SH3PXD2A: variants seen among roughly 807,000 people sequenced by gnomAD.
SH3PXD2A encodes SH3 and PX domain-containing protein 2A.
In SH3PXD2A, 32 loss-of-function variants were observed where a neutral mutation model predicts 115.2. The observed-to-expected ratio is 0.28, with a 90% confidence interval of 0.21 to 0.37. The LOEUF is 0.37. Ranked by LOEUF, SH3PXD2A falls within the 10% of genes least tolerant of loss-of-function variation. SH3PXD2A has a pLI of 1.00. For missense variants in SH3PXD2A, 1,328 were observed against 1,498.7 expected (o/e 0.89, Z 1.88); for synonymous variants, 610 against 629.1 (o/e 0.97, Z 0.45).
chr10:103,787,650 C>T (rs1174184216), intron 2 of SH3PXD2A, among the ~76,000 whole-genome samples: 3 of 152,208 alleles, frequency 2.0e-5, no homozygotes, highest in Non-Finnish European at 4.4e-5. Flanking sequence ...CAGGGCTGCC[C>T]TCGGGAGGTG....
intron 5 of SH3PXD2A, among the ~76,000 whole-genome samples, chr10:103,705,134 A>C (rs1159385916): frequency 6.6e-6 from 1 of 152,162 alleles, no homozygotes; most frequent in Non-Finnish European, 1.5e-5. Flanking sequence ...CCTGCTCACC[A>C]GCCTGTCCAC....
chr10:103,855,140 G>C (rs1055550868), intron 1 of SH3PXD2A, 55 bp downstream of exon 1: 1 of 1,351,522 alleles, frequency 7.4e-7, no homozygotes, highest in African/African-American at 1.5e-5. Context: ...GGCCATCCGG[G>C]GCCCTCCCGG....
Position 103,618,607 on chromosome 10 carries a change from T to C in SH3PXD2A, c.803-1293A>G, listed in dbSNP as rs367731512. On this transcript the variant is annotated intron_variant, in intron 10 of 14. Coordinates refer to ENST00000369774, the MANE Select transcript of SH3PXD2A (RefSeq NM_001394015.1). ...TCTGGCGTGGGTGCTCCCCAGGGGC[T>C]GAGACAGTGCCTGGCAGACAGCGAG... Among the ~76,000 whole-genome samples the C allele has an allele frequency of 8.5e-5, 13 of 152,322 alleles. No homozygotes were observed. The East Asian group carries it at 2.5e-3, about 29-fold the overall frequency.
At chr10:103,682,776 C>T (rs2037627881) in intron 6 of SH3PXD2A, among the ~76,000 whole-genome samples, 2 of 149,152 alleles carry the variant, frequency 1.3e-5, no homozygotes, top group Admixed American at 1.3e-4. Context: ...AAAAACAAAA[C>T]AAACCACGAG....
intron 1 of SH3PXD2A, among the ~76,000 whole-genome samples, chr10:103,821,127 G>A (rs556977220): frequency 2.0e-5 from 3 of 148,352 alleles, no homozygotes; most frequent in African/African-American, 7.4e-5. Flanking sequence ...AACATTTAAT[G>A]TATGGTCGTT....
intron 5 of SH3PXD2A, among the ~76,000 whole-genome samples, chr10:103,718,866 C>T (rs1403161591): frequency 6.6e-6 from 1 of 151,450 alleles, no homozygotes; most frequent in East Asian, 1.9e-4. Context: ...TGTTTGTGTC[C>T]CACCTAAATT....
At chr10:103,768,203 G>C (rs1219721282) in intron 2 of SH3PXD2A, among the ~76,000 whole-genome samples, 1 of 152,234 alleles carries the variant, frequency 6.6e-6, no homozygotes, top group Non-Finnish European at 1.5e-5. Context: ...GAGACAAACA[G>C]CAAACAAGTA....
At chr10:103,743,532 C>T (rs1422673825) in intron 3 of SH3PXD2A, among the ~76,000 whole-genome samples, 1 of 150,512 alleles carries the variant, frequency 6.6e-6, no homozygotes, top group Admixed American at 6.6e-5. Context: ...CAGGTGCACA[C>T]AACACCCGAC....
chr10:103,790,045 G>C (rs1408705183), intron 2 of SH3PXD2A, among the ~76,000 whole-genome samples: 3 of 152,116 alleles, frequency 2.0e-5, no homozygotes, highest in East Asian at 3.9e-4. Flanking sequence ...TCTTTGCAAC[G>C]GCAGCTTCTC....
chr10:103,749,138 G>A (rs529299827), intron 3 of SH3PXD2A, among the ~76,000 whole-genome samples: 4 of 126,016 alleles, frequency 3.2e-5, no homozygotes, highest in South Asian at 4.6e-4. Context: ...TGATCCACCC[G>A]CCTTGGCCTC....
intron 1 of SH3PXD2A, among the ~76,000 whole-genome samples, chr10:103,814,016 CA>C (rs1481636810): frequency 4.7e-5 from 2 of 42,998 alleles, no homozygotes; most frequent in African/African-American, 1.1e-4. Context: ...AAAAAAAAAA[CA>C]ACAAAAAAAA....
chr10:103,745,042 A>C (rs1234559741), intron 3 of SH3PXD2A, among the ~76,000 whole-genome samples: 1 of 152,202 alleles, frequency 6.6e-6, no homozygotes, highest in African/African-American at 2.4e-5. Flanking sequence ...CATGCAACCC[A>C]CATTGGTCCA....
In SH3PXD2A at chr10:103,599,666, G is replaced by A. The variant is rs1366007038; in HGVS notation, c.*2150C>T. 6.6e-6 allele frequency: 1 copy of A among 152,482 alleles called. No homozygotes were observed. The highest frequency in any genetic ancestry group is 1.5e-5 in the Non-Finnish European group (1 of 68,012). 9.4% of individuals were successfully genotyped at this position (152,482 alleles called of 1,614,324 possible). ...TTTTTTCCATTCTACCTTATTTAAA[G>A]TGCATTAATTAAAAAATAATGAACC... On this transcript the variant is annotated 3_prime_UTR_variant, in exon 15 of 15. Transcript: ENST00000369774.
intron 11 of SH3PXD2A, among the ~76,000 whole-genome samples, chr10:103,614,480 A>G (rs1031905545): frequency 6.6e-6 from 1 of 152,216 alleles, no homozygotes; most frequent in Non-Finnish European, 1.5e-5. Context: ...AAAACAAAAC[A>G]AAACAAAAGG....
chr10:103,763,453 G>T (rs2038721911), intron 3 of SH3PXD2A, among the ~76,000 whole-genome samples: 2 of 152,188 alleles, frequency 1.3e-5, no homozygotes, highest in Admixed American at 6.5e-5. Flanking sequence ...GAGGCAAAGG[G>T]CTGGCAAGGC....
Position 103,603,413 on chromosome 10 carries a change from C to T in SH3PXD2A, c.1805G>A (p.Arg602His), listed in dbSNP as rs748853817. 1.8e-5 allele frequency: 29 copies of T among 1,614,064 alleles called. No individual in the cohort carries two copies. In the Admixed American group the frequency reaches 1.8e-4, roughly 10 times the overall value. Residue 602 changes from arginine (R) to histidine (H), a missense_variant, in exon 15 of 15, where the codon CGC (arginine) becomes CAC (histidine). Physicochemically the swap from Arg to His is conservative, Grantham distance 29. Around this residue, in one of 5 missense-constraint regions of SH3PXD2A, gnomAD observed 509 missense variants for 628.3 expected, o/e 0.81. Transcript: ENST00000369774. ...PSPASSLQRA[R>H]FKVGESSEDV... ...CTCTGAAGACTCACCCACCTTGAAG[C>T]GGGCCCGCTGCAGAGAAGAGGCCGG...
At chr10:103,851,652 C>T (rs1452542023) in intron 1 of SH3PXD2A, among the ~76,000 whole-genome samples, 1 of 152,140 alleles carries the variant, frequency 6.6e-6, no homozygotes, top group African/African-American at 2.4e-5. Context: ...AAACAGAATC[C>T]AAAAACCTAC....
intron 1 of SH3PXD2A, among the ~76,000 whole-genome samples, chr10:103,813,999 T>TAA (rs781401560): frequency 5.5e-4 from 33 of 60,314 alleles, no homozygotes; most frequent in South Asian, 2.1e-3. Flanking sequence ...CTGGACTAGC[T>TAA]AAAAAAAAAA....
chr10:103,838,885 A>C (rs115032734), intron 1 of SH3PXD2A, among the ~76,000 whole-genome samples: 283 of 152,322 alleles, frequency 1.9e-3, no homozygotes, highest in African/African-American at 6.6e-3. Context: ...AATGGAGAGA[A>C]AAAGCAAGGA....
Sources: allele counts gnomAD v4.1 joint callset (sites outside exome capture counted in the v4.1 genomes callset), GRCh38; gene constraint gnomAD v4.1.1; regional missense constraint gnomAD v4.1.1; transcripts MANE v1.5; gene names NCBI Gene and HGNC (gene_info 2026-07-23, HGNC 2026-07-21).